Variants in ADK observed in about 807,000 individuals in gnomAD.
ADK encodes N6,N6-dimethyladenosine kinase.
Under a neutral mutation model 44.7 loss-of-function variants are expected in ADK, and 24 were observed. That is an observed-to-expected ratio of 0.54 (90% CI 0.39 to 0.76). The LOEUF (loss-of-function observed/expected upper bound fraction) is 0.76. Ranked by LOEUF, ADK falls within the 30% of genes least tolerant of loss-of-function variation. The probability of loss-of-function intolerance (pLI) is 0.00; values close to 1 mark genes in which losing one functional copy is unlikely to be tolerated. For synonymous variants in ADK, 128 were observed against 142.6 expected, an observed-to-expected ratio of 0.90 and a Z score of 0.73; for missense variants, 321 against 425.1, an observed-to-expected ratio of 0.76 and a Z score of 2.15.
intron 3 of ADK, among the ~76,000 whole-genome samples, chr10:74,248,321 G>C (rs1000164023): frequency 1.3e-5 from 2 of 152,050 alleles, no homozygotes; most frequent in Non-Finnish European, 2.9e-5. Context: ...ACTAGCAAAT[G>C]AATCAGTAGA....
chr10:74,616,370 AT>A (rs1404353047), intron 9 of ADK, among the ~76,000 whole-genome samples: 1 of 152,072 alleles, frequency 6.6e-6, no homozygotes, highest in Non-Finnish European at 1.5e-5. Flanking sequence ...AACTAGCACA[AT>A]TCATCTAAGA....
chr10:74,218,071 G>A (rs925859143), intron 2 of ADK, among the ~76,000 whole-genome samples: 2 of 151,708 alleles, frequency 1.3e-5, no homozygotes, highest in Non-Finnish European at 3.0e-5. Context: ...ATCAAACTAC[G>A]AGCTACGGGA....
At chr10:74,470,477 G>A (rs1846529766) in intron 6 of ADK, among the ~76,000 whole-genome samples, 1 of 151,670 alleles carries the variant, frequency 6.6e-6, no homozygotes, top group African/African-American at 2.4e-5. Flanking sequence ...AAGTGAGATT[G>A]CTGGCATTTT....
chr10:74,656,459 G>T (rs1348497622), intron 9 of ADK, among the ~76,000 whole-genome samples: 1 of 152,212 alleles, frequency 6.6e-6, no homozygotes, highest in Non-Finnish European at 1.5e-5. Flanking sequence ...GTGGGAAGGT[G>T]CAGGCTTTTG....
At chr10:74,422,174 T>C (rs1844577600) in intron 6 of ADK, among the ~76,000 whole-genome samples, 1 of 152,210 alleles carries the variant, frequency 6.6e-6, no homozygotes, top group African/African-American at 2.4e-5. Flanking sequence ...GTCATGCTGA[T>C]GTGAAGAGGT....
At chr10:74,538,482 CAGTG>C (rs1217062694) in intron 7 of ADK, among the ~76,000 whole-genome samples, 1 of 152,126 alleles carries the variant, frequency 6.6e-6, no homozygotes, top group Non-Finnish European at 1.5e-5. Context: ...AATTACAAAA[CAGTG>C]AGCAAAATTC....
At chr10:74,180,449 G>T (rs2132080155) in intron 1 of ADK, among the ~76,000 whole-genome samples, 1 of 134,332 alleles carries the variant, frequency 7.4e-6, no homozygotes, top group Non-Finnish European at 1.6e-5. Flanking sequence ...ATGTTGGCCA[G>T]GCTAGTCTTT....
At chr10:74,500,989 A>G (rs530613332) in intron 6 of ADK, among the ~76,000 whole-genome samples, 12 of 152,344 alleles carry the variant, frequency 7.9e-5, no homozygotes. Flanking sequence ...ATGATTTCAC[A>G]TTTAGCTTTT....
intron 2 of ADK, among the ~76,000 whole-genome samples, chr10:74,206,105 C>G (rs949833705): frequency 4.6e-5 from 7 of 151,968 alleles, no homozygotes; most frequent in African/African-American, 1.7e-4. Context: ...TTCATGGTCA[C>G]TATTTTAAAA....
chr10:74,586,431 AAT>A (rs1243487231), intron 7 of ADK, among the ~76,000 whole-genome samples: 1 of 152,226 alleles, frequency 6.6e-6, no homozygotes, highest in Non-Finnish European at 1.5e-5. Context: ...TGATGCTTGA[AAT>A]AGTTTACAGA....
chr10:74,323,559 ATTTTC>A (rs1292279702), intron 4 of ADK, among the ~76,000 whole-genome samples: 5 of 149,604 alleles, frequency 3.3e-5, no homozygotes, highest in Admixed American at 6.6e-5. Flanking sequence ...GTTTCACAAT[ATTTTC>A]TTTTCTTTTC....
At chr10:74,664,574 G>A (rs767441280) in intron 9 of ADK, among the ~76,000 whole-genome samples, 6 of 152,214 alleles carry the variant, frequency 3.9e-5, no homozygotes, top group Non-Finnish European at 5.9e-5. Context: ...CAGGCATGGT[G>A]CCTCACGCCT....
At chr10:74,691,880 GGAT>G (rs945811230) in intron 10 of ADK, among the ~76,000 whole-genome samples, 1 of 152,074 alleles carries the variant, frequency 6.6e-6, no homozygotes, top group African/African-American at 2.4e-5. Context: ...TATGGGGTGA[GGAT>G]GTGTAGCACT....
At chr10:74,356,890 G>A (rs1394462770) in intron 4 of ADK, among the ~76,000 whole-genome samples, 1 of 151,986 alleles carries the variant, frequency 6.6e-6, no homozygotes, top group Non-Finnish European at 1.5e-5. Flanking sequence ...CTACTGACAT[G>A]TCCCTCCCTG....
intron 10 of ADK, among the ~76,000 whole-genome samples, chr10:74,677,292 G>C (rs1564847862): frequency 6.6e-6 from 1 of 152,094 alleles, no homozygotes; most frequent in African/African-American, 2.4e-5. Context: ...GTTTAGAAAA[G>C]AACATTGGTT....
Position 74,314,709 on chromosome 10 carries a change from T to C in ADK, c.237T>C (p.Ala79=). ...AAAAATTCAAAGTCGAATATCATGC[T>C]GGTGGCTCTACCCAGAATTCAATTA... The part of the protein sequence containing the change: ...LVKKFKVEYH[A]GGSTQNSIKV... The change falls in exon 4 of 11, where the codon GCT becomes GCC. Residue 79 remains alanine, a synonymous_variant. Coordinates refer to ENST00000539909, the MANE Select transcript of ADK (RefSeq NM_006721.4). The C allele has an allele frequency of 6.2e-7, 1 of 1,613,160 alleles. No homozygotes were observed. Among genetic ancestry groups the C allele is most frequent in the Non-Finnish European group, 8.5e-7 (1 of 1,179,378 alleles).
chr10:74,381,521 T>C (rs370907279), intron 4 of ADK, among the ~76,000 whole-genome samples: 5 of 152,240 alleles, frequency 3.3e-5, no homozygotes, highest in African/African-American at 1.2e-4. Flanking sequence ...CTGTGGCAGG[T>C]AGACTTAAAA....
At chr10:74,457,511 A>G (rs1845998516) in intron 6 of ADK, among the ~76,000 whole-genome samples, 1 of 152,210 alleles carries the variant, frequency 6.6e-6, no homozygotes, top group Non-Finnish European at 1.5e-5. Context: ...CAGCAATCCC[A>G]TTACTGGGTA....
chr10:74,296,437 CA>C, intron 3 of ADK, among the ~76,000 whole-genome samples: 1 of 152,042 alleles, frequency 6.6e-6, no homozygotes, highest in South Asian at 2.1e-4. Flanking sequence ...ATGAGGAATT[CA>C]AAATAAACCT....
Sources: allele counts gnomAD v4.1 joint callset (sites outside exome capture counted in the v4.1 genomes callset), GRCh38; gene constraint gnomAD v4.1.1; transcripts MANE v1.5; gene names NCBI Gene and HGNC (gene_info 2026-07-23, HGNC 2026-07-21).